Variants in LMTK3 observed in about 807,000 individuals in gnomAD.
LMTK3 encodes serine/threonine-protein kinase LMTK3.
A neutral mutation model predicts 116.7 loss-of-function variants in LMTK3; 27 were observed. The observed-to-expected ratio is 0.23, with a 90% CI of 0.17 to 0.32. LMTK3 has a LOEUF of 0.32. LMTK3 is among the 10% of genes least tolerant of loss of function. The probability of loss-of-function intolerance (pLI) is 1.00; values close to 1 mark genes in which losing one functional copy is unlikely to be tolerated. For missense variants in LMTK3, 1,764 were observed against 2,068.5 expected, an observed-to-expected ratio of 0.85 and a Z score of 2.86; for synonymous variants, 965 against 971.0, an observed-to-expected ratio of 0.99 and a Z score of 0.11.
intron 5 of LMTK3, among the ~76,000 whole-genome samples, chr19:48,508,591 A>G (rs1972607341): frequency 6.6e-6 from 1 of 152,148 alleles, no homozygotes; most frequent in Admixed American, 6.5e-5. Flanking sequence ...CACTTTCCAG[A>G]TGAAGATCCG....
intron 5 of LMTK3, 116 bp from the exon 6 acceptor site, chr19:48,503,112 T>C (rs1972502598): frequency 1.4e-6 from 1 of 711,996 alleles, no homozygotes; most frequent in East Asian, 2.7e-5. Flanking sequence ...TTTGTTTGTT[T>C]GTTTGTTTTG....
At chr19:48,490,276 C>T (rs1972199556) in intron 14 of LMTK3, among the ~76,000 whole-genome samples, 1 of 152,128 alleles carries the variant, frequency 6.6e-6, no homozygotes, top group Non-Finnish European at 1.5e-5. Context: ...GTAATCCCAG[C>T]ACTTTGGGAG....
rs1601041324 is a variant in LMTK3, at chr19:48,491,418, T to C, written c.4214A>G (p.Asn1405Ser). Residue 1405 changes from asparagine (N) to serine (S), a missense_variant, in exon 13 of 15, where the codon AAC (asparagine) becomes AGC (serine). Around this residue, in one of 7 missense-constraint regions of LMTK3, gnomAD observed 281 missense variants for 301.4 expected, o/e 0.93. Coordinates refer to ENST00000600059, the MANE Select transcript of LMTK3 (RefSeq NM_001388485.1). The surrounding 1 kb of genome is among the most constrained non-coding windows in gnomAD (Gnocchi z 5.1). ...CCCGTCCTCACCAAAGCCGCTGTCGTTGCTGGGAAACCCATCTCCGGGGGT... is the reference window on the plus strand; with the variant it reads ...CCCGTCCTCACCAAAGCCGCTGTCGCTGCTGGGAAACCCATCTCCGGGGGT... ...PATPGDGFPSNDSGFGGSFEW... is the reference protein window; with the variant it reads ...PATPGDGFPSSDSGFGGSFEW... The C allele has an allele frequency of 1.4e-6, 2 of 1,406,142 alleles. No homozygotes were observed. The highest frequency in any genetic ancestry group is 1.9e-6 in the Non-Finnish European group (2 of 1,079,222). 87.1% of individuals were successfully genotyped at this position (1,406,142 alleles called of 1,614,324 possible).
chr19:48,509,636 C>A, intron 3 of LMTK3, 123 bp from the exon 4 acceptor site: 1 of 805,024 alleles, frequency 1.2e-6, no homozygotes. Context: ...GGCTGCCACC[C>A]ACATTCCATG....
chr19:48,491,061 G>T lies in LMTK3; in HGVS notation c.4366+47C>A. 7.9e-7 allele frequency: 1 copy of T among 1,264,530 alleles called. No individual in the cohort carries two copies. The highest frequency in any genetic ancestry group is 2.5e-5 in the South Asian group (1 of 40,662). The allele number at this position is 1,264,530 out of a possible 1,614,324, so 78.3% of individuals were successfully genotyped here. On this transcript the variant is annotated intron_variant, in intron 14 of 14. Transcript: ENST00000600059. The surrounding 1 kb of genome is among the most constrained non-coding windows in gnomAD (Gnocchi z 5.1). ...ACAAGAAGTTGGCAGTGGAACATAGGGGGACAGAGATGGGCAGAGGAGGGG... is the reference window on the plus strand; with the variant it reads ...ACAAGAAGTTGGCAGTGGAACATAGTGGGACAGAGATGGGCAGAGGAGGGG...
rs1380234122 is a variant in LMTK3, at chr19:48,498,443, C to G, written c.2626G>C (p.Gly876Arg). ...LREDVTRNLLGEKGATARETG... is the reference protein window; with the variant it reads ...LREDVTRNLLREKGATARETG... ...TCCCGGGCTGTCGCCCCCTTCTCCC[C>G]CAGGAGGTTCCTTGTCACATCCTCC... The change falls in exon 11 of 15, where the codon GGG becomes CGG. Residue 876 changes from glycine to arginine, a missense_variant. Physicochemically the swap from Gly to Arg is moderately radical, Grantham distance 125. Around this residue, in one of 7 missense-constraint regions of LMTK3, gnomAD observed 1,028 missense variants for 1,050.6 expected, o/e 0.98. Transcript: ENST00000600059. The G allele has an allele frequency of 1.9e-6, 3 of 1,604,732 alleles. No homozygotes were observed. The East Asian group carries it at 6.7e-5, about 36-fold the overall frequency.
At chr19:48,510,421 G>T in intron 2 of LMTK3, 38 bp downstream of exon 2, 1 of 1,575,452 alleles carries the variant, frequency 6.3e-7, no homozygotes, top group Non-Finnish European at 8.6e-7. Flanking sequence ...CCTTGCTGGA[G>T]TCTTCCTCCC....
chr19:48,487,735 C>T (rs1200259204), intron 14 of LMTK3, among the ~76,000 whole-genome samples: 3 of 152,084 alleles, frequency 2.0e-5, no homozygotes, highest in Admixed American at 6.5e-5. Context: ...TGCAGGTTCT[C>T]GTTGGGGGCC....
upstream of LMTK3, chr19:48,513,185 C>A (rs754227991): frequency 1.9e-6 from 3 of 1,599,796 alleles, no homozygotes; most frequent in South Asian, 3.4e-5. The surrounding 1 kb of genome is among the most constrained non-coding windows in gnomAD (Gnocchi z 5.6). Flanking sequence ...CAGCACTTGC[C>A]TCATACAAAA....
intron 11 of LMTK3, among the ~76,000 whole-genome samples, chr19:48,496,426 G>A (rs1041696745): frequency 1.3e-5 from 2 of 151,736 alleles, no homozygotes; most frequent in Non-Finnish European, 2.9e-5. Flanking sequence ...AGCCTTCCGA[G>A]TAGCTGGGAT....
At chr19:48,502,711 G>T in intron 6 of LMTK3, 130 bp from the exon 7 acceptor site, 1 of 1,174,496 alleles carries the variant, frequency 8.5e-7, no homozygotes, top group Non-Finnish European at 1.2e-6. Flanking sequence ...GCTGCTTGCA[G>T]CAGGTAATAA....
At position 48,497,608 on chromosome 19, in the gene LMTK3, G is replaced by A. The variant is rs769477937; in HGVS notation, c.3461C>T (p.Pro1154Leu). ...CTCCAGCCTCCTCGGCTGTGCCTCC[G>A]GTGGCGGTGGCAGCGGTGGCGGCGG... ...QPPPPPLPPP[P>L]EAQPRRLEPA... is the part of the protein sequence containing the mutation. The change falls in exon 11 of 15, where the codon CCG becomes CTG. Residue 1154 changes from proline to leucine, a missense_variant. Physicochemically the swap from Pro to Leu is moderately conservative, Grantham distance 98. Coordinates refer to ENST00000600059, the MANE Select transcript of LMTK3 (RefSeq NM_001388485.1). The surrounding 1 kb of genome is among the most constrained non-coding windows in gnomAD (Gnocchi z 5.7). 3.8e-6 allele frequency: 5 copies of A among 1,304,702 alleles called. No homozygotes were observed. The highest frequency in any genetic ancestry group is 1.5e-5 in the African/African-American group (1 of 65,140). 80.8% of individuals were successfully genotyped at this position (1,304,702 alleles called of 1,614,324 possible). A position where few individuals can be genotyped will look rare whatever the true frequency, so the allele number is the denominator to read the frequency against.
At position 48,491,046 on chromosome 19, in the gene LMTK3, G is replaced by A. The variant is rs1972211855; in HGVS notation, c.4366+62C>T. 1 of 1,103,708 alleles carries A rather than the reference G, an allele frequency of 9.1e-7. No homozygotes were observed. Among genetic ancestry groups the A allele is most frequent in the African/African-American group, 1.6e-5 (1 of 61,854 alleles). 68.4% of individuals were successfully genotyped at this position (1,103,708 alleles called of 1,614,324 possible). A position where few individuals can be genotyped will look rare whatever the true frequency, so the allele number is the denominator to read the frequency against. On this transcript the variant is annotated intron_variant, in intron 14 of 14. Coordinates refer to ENST00000600059, the MANE Select transcript of LMTK3 (RefSeq NM_001388485.1). The surrounding 1 kb of genome is among the most constrained non-coding windows in gnomAD (Gnocchi z 5.1). ...CATTGAAAGATGGTCACAAGAAGTT[G>A]GCAGTGGAACATAGGGGGACAGAGA...
intron 1 of LMTK3, among the ~76,000 whole-genome samples, 170 bp from the exon 2 acceptor site, chr19:48,510,762 G>A (rs1325063926): frequency 2.0e-5 from 3 of 152,172 alleles, no homozygotes; most frequent in Admixed American, 6.5e-5. Context: ...TTGTAGTTTG[G>A]GGCCTTCCCA....
rs201324765 is a variant in LMTK3, at chr19:48,491,190, C to A, written c.4284G>T (p.Pro1428=). Residue 1428 remains proline (P), a synonymous_variant, in exon 14 of 15, where the codon CCG becomes CCT. Transcript: ENST00000600059. The surrounding 1 kb of genome is among the most constrained non-coding windows in gnomAD (Gnocchi z 5.1). ...AGACGGAGAAGCGGGAGAAGCACAG[C>A]GGGGGGCCTGGAGGGGGGAGGAGGG... ...DFPLLPPPGP[P]LCFSRFSVSP... 11 of 1,025,590 alleles carry A rather than the reference C, an allele frequency of 1.1e-5. No homozygotes were observed. The highest frequency in any genetic ancestry group is 1.3e-5 in the Non-Finnish European group (11 of 860,498). 63.5% of individuals were successfully genotyped at this position (1,025,590 alleles called of 1,614,324 possible). A position where few individuals can be genotyped will look rare whatever the true frequency, so the allele number is the denominator to read the frequency against.
intron 5 of LMTK3, among the ~76,000 whole-genome samples, chr19:48,505,099 CTCTCTTTTTTTTTTTT>C (rs1039794879): frequency 2.0e-5 from 2 of 101,796 alleles, no homozygotes; most frequent in African/African-American, 9.0e-5. Context: ...CTCTCTCTCT[CTCTCTTTTTTTTTTTT>C]TTTTTTTTTT....
At position 48,498,054 on chromosome 19, in the gene LMTK3, C is replaced by G. The variant is rs1336397459; in HGVS notation, c.3015G>C (p.Glu1005Asp). 3.1e-6 allele frequency: 5 copies of G among 1,612,944 alleles called. No individual in the cohort carries two copies. Among genetic ancestry groups the G allele is most frequent in the Non-Finnish European group, 4.2e-6 (5 of 1,179,784 alleles). ...TCCTGGGGAATCTCAGGCCCCCATT[C>G]TCTGACACCTTGTCCTCGCTCTTTG... ...TPPKSEDKVS[E>D]NGGLRFPRNT... The change falls in exon 11 of 15, where the codon GAG becomes GAC. Residue 1005 changes from glutamate to aspartate, a missense_variant. Around this residue, in one of 7 missense-constraint regions of LMTK3, gnomAD observed 1,028 missense variants for 1,050.6 expected, o/e 0.98. Transcript: ENST00000600059.
chr19:48,497,950 G>A lies in LMTK3; in HGVS notation c.3119C>T (p.Ala1040Val), dbSNP rs769996361. 2.5e-6 allele frequency: 4 copies of A among 1,579,576 alleles called. No homozygotes were observed. In the African/African-American group the frequency reaches 5.5e-5, roughly 22 times the overall value. The change falls in exon 11 of 15, where the codon GCC becomes GTC. Residue 1040 changes from alanine to valine, a missense_variant. This residue lies in a region of LMTK3 where 1,028 missense variants were observed against 1,050.6 expected (regional missense o/e 0.98). Coordinates refer to ENST00000600059, the MANE Select transcript of LMTK3 (RefSeq NM_001388485.1). This position sits in a 1 kb window ranked among gnomAD's most constrained non-coding sequence, Gnocchi z 5.7. ...TGGGGCTGGCTCCCCGATCGTGGGGGCTGGACCCCAACTCTCGGGCGTCTT... is the reference window on the plus strand; with the variant it reads ...TGGGGCTGGCTCCCCGATCGTGGGGACTGGACCCCAACTCTCGGGCGTCTT... ...WEKTPESWGP[A>V]PTIGEPAPET...
chr19:48,490,390 G>A (rs1249760354), intron 14 of LMTK3, among the ~76,000 whole-genome samples: 2 of 152,060 alleles, frequency 1.3e-5, no homozygotes, highest in Non-Finnish European at 2.9e-5. Flanking sequence ...GCTGGGCGTG[G>A]TGGTGCACTC....
Sources: allele counts gnomAD v4.1 joint callset (sites outside exome capture counted in the v4.1 genomes callset), GRCh38; gene constraint gnomAD v4.1.1; regional missense constraint gnomAD v4.1.1; non-coding constraint Gnocchi (gnomAD v3.1); transcripts MANE v1.5; gene names NCBI Gene and HGNC (gene_info 2026-07-23, HGNC 2026-07-21).